Variants in EXT1 observed in about 807,000 individuals in gnomAD.
The protein encoded by EXT1 is exostosin-1.
In EXT1, 20 loss-of-function variants were observed where a neutral mutation model predicts 82.5. The observed-to-expected ratio is 0.24, with a 90% CI of 0.17 to 0.35. The LOEUF is 0.35. Among genes scored for constraint, EXT1 ranks in the 10% least tolerant of loss-of-function variants. The probability of loss-of-function intolerance (pLI) is 1.00; values close to 1 mark genes in which losing one functional copy is unlikely to be tolerated. For missense variants in EXT1, 757 were observed against 936.5 expected (o/e 0.81, Z 2.50); for synonymous variants, 348 against 350.8 (o/e 0.99, Z 0.09).
At chr8:118,087,937 G>C (rs1817453100) in intron 1 of EXT1, among the ~76,000 whole-genome samples, 1 of 133,228 alleles carries the variant, frequency 7.5e-6, no homozygotes, top group South Asian at 2.4e-4. Context: ...TTCGTTTCAG[G>C]GCAAAAAAAA....
intron 1 of EXT1, among the ~76,000 whole-genome samples, chr8:118,052,630 A>G (rs977337418): frequency 1.4e-4 from 22 of 152,212 alleles, no homozygotes; most frequent in African/African-American, 5.1e-4. Context: ...GAAAAACTTT[A>G]AACCCCATTT....
At chr8:117,907,259 G>A (rs1394055115) in intron 1 of EXT1, among the ~76,000 whole-genome samples, 1 of 152,172 alleles carries the variant, frequency 6.6e-6, no homozygotes, top group Admixed American at 6.5e-5. Context: ...CCATCTAAGA[G>A]TTTAGCAATT....
chr8:118,019,480 C>T (rs938990523), intron 1 of EXT1, among the ~76,000 whole-genome samples: 1 of 152,202 alleles, frequency 6.6e-6, no homozygotes, highest in Non-Finnish European at 1.5e-5. Context: ...AAATTAGCAA[C>T]TCAGCACTAA....
chr8:118,060,164 C>T (rs1202121839), intron 1 of EXT1, among the ~76,000 whole-genome samples: 3 of 152,124 alleles, frequency 2.0e-5, no homozygotes, highest in African/African-American at 7.2e-5. Flanking sequence ...CTTTCTTATG[C>T]GTTATGTTCT....
intron 1 of EXT1, among the ~76,000 whole-genome samples, chr8:118,087,889 T>C (rs1433136674): frequency 3.3e-5 from 5 of 149,932 alleles, no homozygotes; most frequent in African/African-American, 9.9e-5. Flanking sequence ...ATGGGGATTG[T>C]GTTATACAAA....
chr8:117,875,226 G>A (rs1320133399), intron 1 of EXT1, among the ~76,000 whole-genome samples: 1 of 152,028 alleles, frequency 6.6e-6, no homozygotes, highest in Non-Finnish European at 1.5e-5. Context: ...AGACCAGCCT[G>A]ACCAACGTGC....
intron 1 of EXT1, among the ~76,000 whole-genome samples, chr8:118,100,263 G>C (rs188845052): frequency 6.6e-6 from 1 of 152,218 alleles, no homozygotes; most frequent in East Asian, 1.9e-4. Context: ...GAGAACTTAC[G>C]AGAGCAGTTT....
chr8:117,843,681 G>C (rs1434372524), intron 1 of EXT1, among the ~76,000 whole-genome samples: 5 of 152,106 alleles, frequency 3.3e-5, no homozygotes, highest in Non-Finnish European at 7.4e-5. Context: ...TGTCACTGAA[G>C]GGCTTGAGCA....
intron 1 of EXT1, among the ~76,000 whole-genome samples, chr8:117,899,471 C>T (rs10441512): frequency 1.6e-3 from 243 of 152,354 alleles, no homozygotes; most frequent in Non-Finnish European, 2.4e-3. Context: ...CAAAATGAGT[C>T]TGCAGATGCT....
chr8:118,033,672 G>T (rs552089164), intron 1 of EXT1, among the ~76,000 whole-genome samples: 32 of 152,086 alleles, frequency 2.1e-4, no homozygotes, highest in African/African-American at 7.5e-4. Flanking sequence ...GAGACGAGGG[G>T]TCTCACTGTG....
intron 1 of EXT1, among the ~76,000 whole-genome samples, chr8:117,947,913 A>G (rs898897552): frequency 2.6e-5 from 4 of 152,152 alleles, no homozygotes; most frequent in Non-Finnish European, 4.4e-5. Flanking sequence ...ATCCCTATTC[A>G]TCCCTTCGTG....
Position 117,889,259 on chromosome 8 carries a change from C to G in EXT1, c.963-52058G>C, listed in dbSNP as rs184904858. On this transcript the variant is annotated intron_variant, in intron 1 of 10. Transcript: ENST00000378204. ...CCTAAATTCAGGTGAGTGAAAAATA[C>G]ACTTCTATTTTGTTTGAGCCACTAT... Among the ~76,000 whole-genome samples the G allele has an allele frequency of 6.6e-5, 10 of 152,280 alleles. No individual in the cohort carries two copies. In the East Asian group the frequency reaches 1.5e-3, roughly 24 times the overall value.
At chr8:117,981,861 G>C (rs1472166225) in intron 1 of EXT1, among the ~76,000 whole-genome samples, 1 of 151,882 alleles carries the variant, frequency 6.6e-6, no homozygotes, top group Non-Finnish European at 1.5e-5. Context: ...CTGGGTGTCA[G>C]AGCAAGACTG....
rs17503761 is a variant in EXT1, at chr8:117,862,962, T to C, written c.963-25761A>G. ...GACACACTCAAGGAACAATGGAAACTAAGCCAGTCTGGGTGGGAGTGGTGG... is the reference window on the plus strand; with the variant it reads ...GACACACTCAAGGAACAATGGAAACCAAGCCAGTCTGGGTGGGAGTGGTGG... On this transcript the variant is annotated intron_variant, in intron 1 of 10. Transcript: ENST00000378204. Among the ~76,000 whole-genome samples the C allele has an allele frequency of 8.5e-3, 1,161 of 136,616 alleles. 67 individuals are homozygous for C. Among genetic ancestry groups the C allele is most frequent in the African/African-American group, 0.023 (940 of 40,292 alleles). 89.6% of individuals were successfully genotyped at this position (136,616 alleles called of 152,430 possible).
intron 1 of EXT1, among the ~76,000 whole-genome samples, chr8:117,965,959 T>G (rs1311019449): frequency 6.6e-6 from 1 of 151,684 alleles, no homozygotes; most frequent in Non-Finnish European, 1.5e-5. Flanking sequence ...GGCATGTCCA[T>G]GGTAAAATAA....
rs1344343684 is a variant in EXT1 at position 117,968,694 on chromosome 8, C to T, written c.963-131493G>A. Reference sequence around the variant, plus strand: ...ACGCCATTCTCCTGCCTCAGCCTCCCGAGTAGCTGGGACTATAGGCGCCCA... The same window carrying T: ...ACGCCATTCTCCTGCCTCAGCCTCCTGAGTAGCTGGGACTATAGGCGCCCA... On this transcript the variant is annotated intron_variant, in intron 1 of 10. Coordinates refer to ENST00000378204, the MANE Select transcript of EXT1 (RefSeq NM_000127.3). Among the ~76,000 whole-genome samples the T allele has an allele frequency of 8.8e-5, 9 of 102,196 alleles. 1 individual carries two copies. Among genetic ancestry groups the T allele is most frequent in the Non-Finnish European group, 1.6e-4 (9 of 57,568 alleles). 67.0% of individuals were successfully genotyped at this position (102,196 alleles called of 152,430 possible).
intron 1 of EXT1, among the ~76,000 whole-genome samples, chr8:118,097,997 G>A (rs768702534): frequency 6.6e-6 from 1 of 152,162 alleles, no homozygotes; most frequent in Non-Finnish European, 1.5e-5. Flanking sequence ...GTGGAAAGGA[G>A]GTGTGTGGGG....
chr8:118,013,175 A>C (rs2129839520), intron 1 of EXT1, among the ~76,000 whole-genome samples: 1 of 151,990 alleles, frequency 6.6e-6, no homozygotes, highest in Admixed American at 6.5e-5. Flanking sequence ...CTGGGATTAC[A>C]AGCATGGGCC....
At chr8:117,887,831 A>T (rs974791068) in intron 1 of EXT1, among the ~76,000 whole-genome samples, 7 of 151,926 alleles carry the variant, frequency 4.6e-5, no homozygotes, top group African/African-American at 1.7e-4. Context: ...CACGCCTGTA[A>T]TCCCAGCACT....
Sources: gnomAD v4.1 joint callset for allele counts (sites outside exome capture counted in the v4.1 genomes callset) on GRCh38, gnomAD v4.1.1 for gene constraint, MANE v1.5 for transcripts, NCBI Gene and HGNC (gene_info 2026-07-23, HGNC 2026-07-21) for gene names.